FCRL5: variants seen among roughly 807,000 people sequenced by gnomAD.
The protein encoded by FCRL5 is Fc receptor-like protein 5.
A neutral mutation model predicts 92.1 loss-of-function variants in FCRL5; 79 were observed. The ratio of observed to expected loss-of-function variants is 0.86; its 90% CI spans 0.72 to 1.03. FCRL5 has a LOEUF of 1.03. Ranked by LOEUF, FCRL5 falls within the 50% of genes least tolerant of loss-of-function variation. The pLI, the probability that FCRL5 is intolerant of heterozygous loss-of-function variation, is 0.00. For missense variants in FCRL5, 1,160 were observed against 1,181.1 expected, an observed-to-expected ratio of 0.98 and a Z score of 0.26; for synonymous variants, 466 against 469.3, an observed-to-expected ratio of 0.99 and a Z score of 0.09.
chr1:157,550,087 T>G (rs796066320), intron 1 of FCRL5, among the ~76,000 whole-genome samples: 2 of 151,924 alleles, frequency 1.3e-5, no homozygotes, highest in Non-Finnish European at 2.9e-5. Context: ...CATTTGTGTG[T>G]GGTAAGAGGC....
intron 7 of FCRL5, 26 bp downstream of exon 7, chr1:157,539,060 G>A: frequency 1.2e-6 from 2 of 1,606,408 alleles, no homozygotes; most frequent in African/African-American, 2.7e-5. Context: ...CCAGGGGTGG[G>A]TGATTGGCAG....
intron 6 of FCRL5, chr1:157,542,512 T>C (rs921114599): frequency 2.9e-5 from 7 of 237,752 alleles, no homozygotes; most frequent in Non-Finnish European, 5.8e-5. Context: ...CTCCTGGAAA[T>C]TGAGTCTGTG....
rs1649876554 is a variant in FCRL5, at chr1:157,515,473, C to A, written c.*202G>T. 4.4e-6 allele frequency: 5 copies of A among 1,128,748 alleles called. No homozygotes were observed. Among genetic ancestry groups the A allele is most frequent in the Admixed American group, 2.6e-5 (1 of 38,860 alleles). 69.9% of individuals were successfully genotyped at this position (1,128,748 alleles called of 1,614,324 possible). On this transcript the variant is annotated 3_prime_UTR_variant, in exon 17 of 17. Transcript: ENST00000361835. ...CCTTGCCACTGGATTAAAAAACCTG[C>A]CAGTCAGGGCTTTAACTGGGAAACA...
intron 5 of FCRL5, among the ~76,000 whole-genome samples, chr1:157,543,950 A>G (rs1651393356): frequency 6.6e-6 from 1 of 151,684 alleles, no homozygotes; most frequent in Non-Finnish European, 1.5e-5. Flanking sequence ...GCTATGCCAC[A>G]GCCCATGGCT....
Position 157,552,389 on chromosome 1 carries a change from A to G in FCRL5, c.-27T>C. ...AAGACCTGGACCACCAAGGGCTGAG[A>G]TCAAAAGAGAAGTTTCCTCAATTCC... is the stretch of plus-strand genomic sequence containing the variant. On this transcript the variant is annotated 5_prime_UTR_variant, in exon 1 of 17. Transcript: ENST00000361835. The G allele has an allele frequency of 6.2e-7, 1 of 1,613,932 alleles. No homozygotes were observed.
chr1:157,519,012 G>A, intron 13 of FCRL5: 1 of 385,006 alleles, frequency 2.6e-6, no homozygotes, highest in South Asian at 6.3e-5. Flanking sequence ...GATGCTTACA[G>A]CAATACGTTG....
Position 157,544,618 on chromosome 1 carries a change from CA to C in FCRL5, c.560-73del. 3 of 1,546,268 alleles carry C rather than the reference CA, an allele frequency of 1.9e-6. No individual in the cohort carries two copies. The South Asian group carries it at 3.5e-5, about 18-fold the overall frequency. The stretch of plus-strand genomic sequence containing the variant: ...GCTTTGGAGAAAAGCACACTTCAAG[CA>C]GCAGCACATCCAAAAGCAGGCAAAG... On this transcript the variant is annotated intron_variant, in intron 4 of 16. Coordinates refer to ENST00000361835, the MANE Select transcript of FCRL5 (RefSeq NM_031281.3).
At chr1:157,539,404 T>C in intron 6 of FCRL5, 40 bp from the exon 7 acceptor site, 1 of 1,545,854 alleles carries the variant, frequency 6.5e-7, no homozygotes, top group Non-Finnish European at 8.7e-7. Context: ...TGTTTCTGCC[T>C]CCTGCTGTAG....
chr1:157,520,566 G>A lies in FCRL5; in HGVS notation c.2516-19C>T, dbSNP rs1350826261. ...GTCAGCCCTGAGGGGGAGACCCTGTGTGTGAGCCAGAGGAGAGGCTGTGGT... is the reference window on the plus strand; with the variant it reads ...GTCAGCCCTGAGGGGGAGACCCTGTATGTGAGCCAGAGGAGAGGCTGTGGT... On this transcript the variant is annotated intron_variant, in intron 11 of 16. Coordinates refer to ENST00000361835, the MANE Select transcript of FCRL5 (RefSeq NM_031281.3). The A allele has an allele frequency of 1.3e-6, 2 of 1,566,540 alleles. No individual in the cohort carries two copies.
intron 5 of FCRL5, 58 bp downstream of exon 5, chr1:157,544,204 C>G: frequency 6.3e-7 from 1 of 1,585,688 alleles, no homozygotes; most frequent in Non-Finnish European, 8.6e-7. Context: ...TGATATGCAG[C>G]CCTGTCCCAC....
chr1:157,515,622 A>G lies in FCRL5; in HGVS notation c.*53T>C, dbSNP rs771756521. The G allele has an allele frequency of 1.2e-6, 2 of 1,614,032 alleles. No homozygotes were observed. The highest frequency in any genetic ancestry group is 1.7e-5 in the Admixed American group (1 of 60,026). On this transcript the variant is annotated 3_prime_UTR_variant, in exon 17 of 17. Coordinates refer to ENST00000361835, the MANE Select transcript of FCRL5 (RefSeq NM_031281.3). ...CCACTTCAATGCTGCTTCTCCCCCAAGGGGAACTTTGGGGTGCAGAGGCTG... is the reference window on the plus strand; with the variant it reads ...CCACTTCAATGCTGCTTCTCCCCCAGGGGGAACTTTGGGGTGCAGAGGCTG...
At position 157,549,657 on chromosome 1, in the gene FCRL5, C is replaced by T. The variant is rs190711385; in HGVS notation, c.32-77G>A. 11 of 1,355,436 alleles carry T rather than the reference C, an allele frequency of 8.1e-6. No homozygotes were observed. In the Admixed American group the frequency reaches 2.4e-4, roughly 29 times the overall value. 84.0% of individuals were successfully genotyped at this position (1,355,436 alleles called of 1,614,324 possible). Reference sequence around the variant, plus strand: ...TTAAGAAGATAATTCCCTTTTTTACCCATGCATGTATTACTTGTCCCTTTA... The same window carrying T: ...TTAAGAAGATAATTCCCTTTTTTACTCATGCATGTATTACTTGTCCCTTTA... On this transcript the variant is annotated intron_variant, in intron 1 of 16. Coordinates refer to ENST00000361835, the MANE Select transcript of FCRL5 (RefSeq NM_031281.3).
At chr1:157,537,064 T>C (rs1651001438) in intron 7 of FCRL5, among the ~76,000 whole-genome samples, 1 of 152,192 alleles carries the variant, frequency 6.6e-6, no homozygotes, top group African/African-American at 2.4e-5. Flanking sequence ...TTGTGTTAAC[T>C]GCACAAATTG....
Position 157,547,029 on chromosome 1 carries a change from A to T in FCRL5, c.221T>A (p.Ile74Asn), listed in dbSNP as rs1055879635. ...CTCTCCAGATTCCTGAACCTCAAGG[A>T]TATTGTCTGGGGTTTCTCTTAGTAT... is the stretch of plus-strand genomic sequence containing the variant. ...KEILRETPDN[I>N]LEVQESGEYR... is the part of the protein sequence containing the mutation. The change falls in exon 3 of 17, where the codon ATC (isoleucine) becomes AAC (asparagine). Residue 74 changes from isoleucine (I) to asparagine (N), a missense_variant. Physicochemically the swap from Ile to Asn is moderately radical, Grantham distance 149. Transcript: ENST00000361835. 1.9e-6 allele frequency: 3 copies of T among 1,613,998 alleles called. No individual in the cohort carries two copies. Among genetic ancestry groups the T allele is most frequent in the Non-Finnish European group, 2.5e-6 (3 of 1,180,024 alleles).
At chr1:157,522,211 A>G (rs775188223) in intron 10 of FCRL5, 10 of 152,272 alleles carry the variant, frequency 6.6e-5, no homozygotes, top group Non-Finnish European at 1.5e-4. Flanking sequence ...ATGAGCAGGT[A>G]GAAAGAGACC....
At chr1:157,545,216 T>G in intron 3 of FCRL5, 134 bp from the exon 4 acceptor site, 2 of 1,100,920 alleles carry the variant, frequency 1.8e-6, no homozygotes, top group Non-Finnish European at 2.5e-6. Context: ...CATTTCTTTT[T>G]TTCTGATTTA....
At chr1:157,534,483 T>C in intron 8 of FCRL5, 131 bp downstream of exon 8, 1 of 1,086,996 alleles carries the variant, frequency 9.2e-7, no homozygotes, top group Non-Finnish European at 1.4e-6. Context: ...AGCTAGTTAG[T>C]TGAGGAGGAA....
At chr1:157,538,960 G>A (rs1371296135) in intron 7 of FCRL5, 126 bp downstream of exon 7, 13 of 1,056,890 alleles carry the variant, frequency 1.2e-5, no homozygotes, top group South Asian at 5.1e-5. Flanking sequence ...AGAGAGTGGA[G>A]GAGGATATTA....
rs896850913 is a variant in FCRL5 at position 157,515,996 on chromosome 1, C to T, written c.2813-123G>A. 95 of 1,057,594 alleles carry T rather than the reference C, an allele frequency of 9.0e-5. No individual in the cohort carries two copies. In the East Asian group the frequency reaches 2.4e-3, roughly 26 times the overall value. 65.5% of individuals were successfully genotyped at this position (1,057,594 alleles called of 1,614,324 possible). ...GCTCTCCCTCTGTGCGGTGAGTAGC[C>T]ATTCCTCTTAGTTGGTGCTCACCCA... is the stretch of plus-strand genomic sequence containing the variant. On this transcript the variant is annotated intron_variant, in intron 15 of 16. Coordinates refer to ENST00000361835, the MANE Select transcript of FCRL5 (RefSeq NM_031281.3).
Sources: gnomAD v4.1 joint callset for allele counts (sites outside exome capture counted in the v4.1 genomes callset) on GRCh38, gnomAD v4.1.1 for gene constraint, MANE v1.5 for transcripts, NCBI Gene and HGNC (gene_info 2026-07-23, HGNC 2026-07-21) for gene names.